GNB5: variants seen among roughly 807,000 people sequenced by gnomAD.
GNB5 encodes G protein subunit beta 5.
Under a neutral mutation model 55.3 loss-of-function variants are expected in GNB5, and 37 were observed. That is an observed-to-expected ratio of 0.67 (90% CI 0.51 to 0.88). The LOEUF (loss-of-function observed/expected upper bound fraction) is 0.88, where lower values mean the gene tolerates loss of function less well. Among genes scored for constraint, GNB5 ranks in the 40% least tolerant of loss-of-function variants. The pLI is 0.00. For synonymous variants in GNB5, 219 were observed against 198.5 expected, an observed-to-expected ratio of 1.10 and a Z score of -0.87; for missense variants, 476 against 515.3, an observed-to-expected ratio of 0.92 and a Z score of 0.74.
Position 52,159,767 on chromosome 15 carries a change from C to A in GNB5, c.239-5691G>T, listed in dbSNP as rs539472576. Among the ~76,000 whole-genome samples the A allele has an allele frequency of 2.0e-5, 3 of 152,180 alleles. No individual in the cohort carries two copies. In the South Asian group the frequency reaches 6.2e-4, roughly 32 times the overall value. On this transcript the variant is annotated intron_variant, in intron 3 of 12. Coordinates refer to ENST00000261837, the MANE Select transcript of GNB5 (RefSeq NM_016194.4). ...CTGGAGGGGGCAGACAGGTCAGCACCCAGGTAACAACTACAGTGCAGTGCG... is the reference window on the plus strand; with the variant it reads ...CTGGAGGGGGCAGACAGGTCAGCACACAGGTAACAACTACAGTGCAGTGCG...
chr15:52,163,211 C>T (rs574260995), intron 3 of GNB5, among the ~76,000 whole-genome samples: 5 of 152,300 alleles, frequency 3.3e-5, no homozygotes, highest in East Asian at 3.9e-4. Flanking sequence ...CCCAAGACGC[C>T]GAGGGCCTTG....
chr15:52,148,074 C>A (rs1477837277), intron 5 of GNB5, among the ~76,000 whole-genome samples: 1 of 143,392 alleles, frequency 7.0e-6, no homozygotes, highest in Admixed American at 7.3e-5. Context: ...AAAAAAAAAA[C>A]CTTTCATGTT....
At chr15:52,157,686 C>T (rs895225836) in intron 3 of GNB5, among the ~76,000 whole-genome samples, 1 of 152,114 alleles carries the variant, frequency 6.6e-6, no homozygotes, top group Non-Finnish European at 1.5e-5. Context: ...TGATAATTTC[C>T]CTTTTAATAA....
intron 3 of GNB5, among the ~76,000 whole-genome samples, chr15:52,176,663 G>A (rs1209293265): frequency 2.6e-5 from 4 of 152,202 alleles, no homozygotes; most frequent in African/African-American, 9.7e-5. Context: ...CGCAAGGTAG[G>A]CTCTCTGATA....
In GNB5 at chr15:52,118,678, G is replaced by A. The variant is rs1267554651; in HGVS notation, c.*4079C>T. Reference sequence around the variant, plus strand: ...GAGGTTGGGAGTTCGAGACCAGTGTGACCAACATGGAGAAACCTGGTCTCT... The same window carrying A: ...GAGGTTGGGAGTTCGAGACCAGTGTAACCAACATGGAGAAACCTGGTCTCT... On this transcript the variant is annotated 3_prime_UTR_variant, in exon 13 of 13. Coordinates refer to ENST00000261837, the MANE Select transcript of GNB5 (RefSeq NM_016194.4). 6.6e-6 allele frequency: 1 copy of A among 152,040 alleles called. No individual in the cohort carries two copies. The highest frequency in any genetic ancestry group is 1.5e-5 in the Non-Finnish European group (1 of 68,060). 9.4% of individuals were successfully genotyped at this position (152,040 alleles called of 1,614,324 possible).
chr15:52,183,687 T>A lies in GNB5; in HGVS notation c.126+864A>T, dbSNP rs1446293972. On this transcript the variant is annotated intron_variant, in intron 2 of 12. Coordinates refer to ENST00000261837, the MANE Select transcript of GNB5 (RefSeq NM_016194.4). ...TGTATTATGGATTTTGTTGTTGTTT[T>A]TTTAAATGTGTGGGGATTTCCTACT... Among the ~76,000 whole-genome samples, 2 of 152,224 alleles carry A rather than the reference T, an allele frequency of 1.3e-5. 1 individual carries two copies. The highest frequency in any genetic ancestry group is 6.3e-3 in the Middle Eastern group (2 of 316).
intron 9 of GNB5, among the ~76,000 whole-genome samples, chr15:52,130,819 G>A (rs1172520336): frequency 6.6e-6 from 1 of 152,168 alleles, no homozygotes; most frequent in African/African-American, 2.4e-5. Context: ...AGGTGAGAGA[G>A]TGTGCATTTT....
chr15:52,172,507 C>T (rs2034573043), intron 3 of GNB5, among the ~76,000 whole-genome samples: 2 of 151,658 alleles, frequency 1.3e-5, no homozygotes, highest in Non-Finnish European at 2.9e-5. Context: ...GTGCTGGGTG[C>T]GGTGGCTCAT....
At chr15:52,156,222 C>T (rs187810553) in intron 3 of GNB5, among the ~76,000 whole-genome samples, 2 of 152,320 alleles carry the variant, frequency 1.3e-5, no homozygotes, top group East Asian at 1.9e-4. Flanking sequence ...TGGGGAGCCC[C>T]GTCAAGCAGG....
chr15:52,116,737 CT>C lies in GNB5; in HGVS notation c.*6019del, dbSNP rs2033147614. 1 of 152,100 alleles carries C rather than the reference CT, an allele frequency of 6.6e-6. No homozygotes were observed. The highest frequency in any genetic ancestry group is 1.9e-4 in the East Asian group (1 of 5,190). 9.4% of individuals were successfully genotyped at this position (152,100 alleles called of 1,614,324 possible). A position where few individuals can be genotyped will look rare whatever the true frequency, so the allele number is the denominator to read the frequency against. On this transcript the variant is annotated 3_prime_UTR_variant, in exon 13 of 13. Transcript: ENST00000261837. ...CAAAAGATTCTGCAAAAATTACAACCTTGCACATAGGCTGCTGCAACCTCAC... is the reference window on the plus strand; with the variant it reads ...CAAAAGATTCTGCAAAAATTACAACCTGCACATAGGCTGCTGCAACCTCAC...
rs769373210 is a variant in GNB5, at chr15:52,120,951, G to C, written c.*1806C>G. 3 of 152,260 alleles carry C rather than the reference G, an allele frequency of 2.0e-5. No homozygotes were observed. The highest frequency in any genetic ancestry group is 4.8e-5 in the African/African-American group (2 of 41,456). The allele number at this position is 152,260 out of a possible 1,614,324, so 9.4% of individuals were successfully genotyped here. A position where few individuals can be genotyped will look rare whatever the true frequency, so the allele number is the denominator to read the frequency against. On this transcript the variant is annotated 3_prime_UTR_variant, in exon 13 of 13. Coordinates refer to ENST00000261837, the MANE Select transcript of GNB5 (RefSeq NM_016194.4). ...GCAAATGATCAAATATAATTATTATGTTTATTTGAAGTGAGATGATGGAAA... is the reference window on the plus strand; with the variant it reads ...GCAAATGATCAAATATAATTATTATCTTTATTTGAAGTGAGATGATGGAAA...
intron 4 of GNB5, among the ~76,000 whole-genome samples, chr15:52,152,561 G>A (rs2034121661): frequency 6.6e-6 from 1 of 151,746 alleles, no homozygotes; most frequent in African/African-American, 2.4e-5. Context: ...CTGACCTCAG[G>A]TGATCCATCC....
At chr15:52,185,090 T>A (rs2034825838) in intron 1 of GNB5, among the ~76,000 whole-genome samples, 1 of 152,220 alleles carries the variant, frequency 6.6e-6, no homozygotes, top group African/African-American at 2.4e-5. Flanking sequence ...AAGATAAGGG[T>A]CAGCAAATGA....
At chr15:52,158,129 G>T (rs2034254210) in intron 3 of GNB5, among the ~76,000 whole-genome samples, 1 of 152,134 alleles carries the variant, frequency 6.6e-6, no homozygotes, top group African/African-American at 2.4e-5. Flanking sequence ...CAGGAGTGCT[G>T]TCTTGTTTGA....
In GNB5 at chr15:52,124,803, T is replaced by C. The variant is rs149047933; in HGVS notation, c.1010-164A>G. On this transcript the variant is annotated intron_variant, in intron 11 of 12. Coordinates refer to ENST00000261837, the MANE Select transcript of GNB5 (RefSeq NM_016194.4). ...CAAAGGGGAGAAAGCACAGTCCCTG[T>C]CCCTGTTGGAGGATGTGGGGCTGAA... 4.0e-3 allele frequency: 2,425 copies of C among 611,004 alleles called. 9 individuals carry two copies. Among genetic ancestry groups the C allele is most frequent in the Non-Finnish European group, 5.4e-3 (1,855 of 340,650 alleles). The allele number at this position is 611,004 out of a possible 1,614,324, so 37.8% of individuals were successfully genotyped here.
At chr15:52,147,184 T>TTTA in intron 6 of GNB5, 1 of 232,890 alleles carries the variant, frequency 4.3e-6, no homozygotes, top group Non-Finnish European at 8.4e-6. Flanking sequence ...TTTTTTTTTT[T>TTTA]AAAGAGATGG....
chr15:52,128,836 G>C, intron 9 of GNB5: 1 of 431,304 alleles, frequency 2.3e-6, no homozygotes, highest in East Asian at 7.1e-5. Context: ...TCTTCTCAAT[G>C]ATTAGTGAGA....
intron 1 of GNB5, among the ~76,000 whole-genome samples, chr15:52,189,970 T>C (rs2092578121): frequency 6.6e-6 from 1 of 152,132 alleles, no homozygotes; most frequent in Non-Finnish European, 1.5e-5. Flanking sequence ...GGGTATGGGA[T>C]TTCTTTTTCG....
chr15:52,149,336 C>G (rs1327896571), intron 5 of GNB5: 1 of 167,572 alleles, frequency 6.0e-6, no homozygotes, highest in East Asian at 1.7e-4. Context: ...TCCAGCATAC[C>G]TGCACATAGG....
Sources: gnomAD v4.1 joint callset for allele counts (sites outside exome capture counted in the v4.1 genomes callset) on GRCh38, gnomAD v4.1.1 for gene constraint, MANE v1.5 for transcripts, NCBI Gene and HGNC (gene_info 2026-07-23, HGNC 2026-07-21) for gene names.